DCBLD1: variants seen among roughly 807,000 people sequenced by gnomAD.
DCBLD1 encodes the protein discoidin, CUB and LCCL domain containing 1.
A neutral mutation model predicts 71.5 loss-of-function variants in DCBLD1; 57 were observed. That is an observed-to-expected ratio of 0.80 (90% confidence interval 0.64 to 0.99). The LOEUF is 0.99. Among genes scored for constraint, DCBLD1 ranks in the 50% least tolerant of loss-of-function variants. The pLI, the probability that DCBLD1 is intolerant of heterozygous loss-of-function variation, is 0.00. For synonymous variants in DCBLD1, 380 were observed against 363.8 expected, an observed-to-expected ratio of 1.04 and a Z score of -0.51; for missense variants, 891 against 923.5, an observed-to-expected ratio of 0.96 and a Z score of 0.46.
rs1562128608 is a variant in DCBLD1 at position 117,549,133 on chromosome 6, G to C, written c.*694G>C. On this transcript the variant is annotated 3_prime_UTR_variant, in exon 15 of 15. Transcript: ENST00000338728. ...GTTTCCTTAGTCTCCACTTCAGAGG[G>C]GGATGCGAAGAGGTCGGCCCAGCTC... 2 of 985,506 alleles carry C rather than the reference G, an allele frequency of 2.0e-6. No individual in the cohort carries two copies. Among genetic ancestry groups the C allele is most frequent in the Non-Finnish European group, 2.4e-6 (2 of 830,134 alleles). The allele number at this position is 985,506 out of a possible 1,614,324, so 61.0% of individuals were successfully genotyped here.
intron 2 of DCBLD1, among the ~76,000 whole-genome samples, chr6:117,507,510 T>C (rs935524371): frequency 6.6e-6 from 1 of 152,190 alleles, no homozygotes; most frequent in African/African-American, 2.4e-5. Flanking sequence ...ATTAATATTA[T>C]CCTGGCCAAA....
chr6:117,540,116 T>C (rs1185616251), intron 9 of DCBLD1: 1 of 152,460 alleles, frequency 6.6e-6, no homozygotes, highest in Non-Finnish European at 1.5e-5. Context: ...TTTCTTGGCA[T>C]CCAAATCCAA....
At chr6:117,483,094 C>A (rs1776958968) in intron 1 of DCBLD1, among the ~76,000 whole-genome samples, 4 of 152,108 alleles carry the variant, frequency 2.6e-5, no homozygotes. Context: ...TAGGTTACTG[C>A]ATTCCTTGTC....
rs540548797 is a variant in DCBLD1 at position 117,494,452 on chromosome 6, G to A, written c.113-9315G>A. Among the ~76,000 whole-genome samples the A allele has an allele frequency of 2.6e-5, 4 of 152,292 alleles. No individual in the cohort carries two copies. The East Asian group carries it at 7.7e-4, about 29-fold the overall frequency. On this transcript the variant is annotated intron_variant, in intron 1 of 14. Transcript: ENST00000338728. ...TTGACTTATCTTCAGCTGAAGCAGT[G>A]GCAGCTTGGATATTACATCAACATC...
At chr6:117,482,914 T>C in intron 1 of DCBLD1, 21 bp downstream of exon 1, 1 of 1,178,802 alleles carries the variant, frequency 8.5e-7, no homozygotes, top group Admixed American at 4.3e-5. Flanking sequence ...CGCGTCCGGC[T>C]GGCGGCGGGA....
At chr6:117,509,109 A>G (rs971690978) in intron 2 of DCBLD1, among the ~76,000 whole-genome samples, 2 of 152,200 alleles carry the variant, frequency 1.3e-5, no homozygotes, top group Admixed American at 6.5e-5. Flanking sequence ...CAAATTATTT[A>G]AACTTTCTGT....
intron 2 of DCBLD1, among the ~76,000 whole-genome samples, chr6:117,507,000 C>G (rs1582984144): frequency 6.6e-6 from 1 of 152,156 alleles, no homozygotes; most frequent in Non-Finnish European, 1.5e-5. Flanking sequence ...ATTGTTAAAA[C>G]CCACTGCCAA....
chr6:117,558,094 G>A (rs1270545888), intron 14 of DCBLD1, among the ~76,000 whole-genome samples: 1 of 152,158 alleles, frequency 6.6e-6, no homozygotes, highest in Non-Finnish European at 1.5e-5. Flanking sequence ...AGTCTCTCAG[G>A]TGCAGCCATC....
At chr6:117,487,991 T>C (rs1332324245) in intron 1 of DCBLD1, among the ~76,000 whole-genome samples, 2 of 152,210 alleles carry the variant, frequency 1.3e-5, no homozygotes, top group East Asian at 1.9e-4. Context: ...TCTTACCCGA[T>C]GTGGAAATAG....
chr6:117,546,357 A>G (rs1260710677), intron 14 of DCBLD1, among the ~76,000 whole-genome samples: 5 of 152,052 alleles, frequency 3.3e-5, no homozygotes, highest in African/African-American at 1.2e-4. Flanking sequence ...CTCCCTCCTC[A>G]CGTGCAGCCT....
chr6:117,531,263 C>CT (rs1177166397), intron 5 of DCBLD1, among the ~76,000 whole-genome samples: 1 of 152,168 alleles, frequency 6.6e-6, no homozygotes, highest in African/African-American at 2.4e-5. Context: ...AGCTGCCTTT[C>CT]TATGTTGGCA....
chr6:117,513,208 T>C (rs1778080493), intron 2 of DCBLD1, among the ~76,000 whole-genome samples: 1 of 152,212 alleles, frequency 6.6e-6, no homozygotes, highest in Admixed American at 6.5e-5. Context: ...TTCTTCCTTA[T>C]AGGACAGCTT....
chr6:117,567,496 A>G (rs1410804019), intron 14 of DCBLD1, among the ~76,000 whole-genome samples: 1 of 152,186 alleles, frequency 6.6e-6, no homozygotes, highest in East Asian at 1.9e-4. Flanking sequence ...CACTGCCATA[A>G]GGACATCATA....
chr6:117,486,802 G>A (rs952085577), intron 1 of DCBLD1, among the ~76,000 whole-genome samples: 1 of 152,190 alleles, frequency 6.6e-6, no homozygotes, highest in Non-Finnish European at 1.5e-5. Flanking sequence ...GCCCTGGGCT[G>A]CAGACTGGTA....
chr6:117,537,535 A>G (rs907501850), intron 7 of DCBLD1, among the ~76,000 whole-genome samples: 1 of 147,632 alleles, frequency 6.8e-6, no homozygotes, highest in African/African-American at 2.5e-5. Flanking sequence ...CTCCATCTCA[A>G]AAAAAAAAAA....
chr6:117,547,824 C>G (rs1202739613), intron 14 of DCBLD1, 83 bp from the exon 15 acceptor site: 1 of 1,547,416 alleles, frequency 6.5e-7, no homozygotes, highest in African/African-American at 1.4e-5. Context: ...TCACCACGAC[C>G]TGAAGCAGAG....
intron 14 of DCBLD1, chr6:117,566,901 G>C: frequency 6.2e-7 from 1 of 1,606,024 alleles, no homozygotes; most frequent in Admixed American, 1.7e-5. Context: ...ACTAGCACCA[G>C]GGTTACCACC....
intron 6 of DCBLD1, among the ~76,000 whole-genome samples, chr6:117,533,810 C>T (rs1469250047): frequency 6.6e-6 from 1 of 152,092 alleles, no homozygotes; most frequent in Non-Finnish European, 1.5e-5. Context: ...ATCAGCACAC[C>T]ATGCTCACGG....
intron 5 of DCBLD1, among the ~76,000 whole-genome samples, chr6:117,529,333 G>A (rs969435660): frequency 2.6e-5 from 4 of 152,206 alleles, no homozygotes; most frequent in African/African-American, 9.6e-5. Context: ...TTTTGGTTGT[G>A]TAATTTAATA....
Sources: allele counts gnomAD v4.1 joint callset (sites outside exome capture counted in the v4.1 genomes callset), GRCh38; gene constraint gnomAD v4.1.1; transcripts MANE v1.5; gene names NCBI Gene and HGNC (gene_info 2026-07-23, HGNC 2026-07-21).